Variants in PPP2R2B observed in about 807,000 individuals in gnomAD.
PPP2R2B encodes protein phosphatase 2 regulatory subunit Bbeta.
A neutral mutation model predicts 46.0 loss-of-function variants in PPP2R2B; 5 were observed. That is an observed-to-expected ratio of 0.11 (90% CI 0.06 to 0.23). The LOEUF (loss-of-function observed/expected upper bound fraction) is 0.23. Ranked by LOEUF, PPP2R2B falls within the 10% of genes least tolerant of loss-of-function variation. The probability of loss-of-function intolerance (pLI) is 1.00; values close to 1 mark genes in which losing one functional copy is unlikely to be tolerated. For missense variants in PPP2R2B, 367 were observed against 575.0 expected, an observed-to-expected ratio of 0.64 and a Z score of 3.70; for synonymous variants, 215 against 206.7, an observed-to-expected ratio of 1.04 and a Z score of -0.34.
intron 1 of PPP2R2B, among the ~76,000 whole-genome samples, chr5:147,026,636 A>C (rs949562661): frequency 2.6e-5 from 4 of 152,212 alleles, no homozygotes; most frequent in African/African-American, 9.6e-5. Context: ...GTCATTTTAA[A>C]TAGATAACTA....
intron 7 of PPP2R2B, among the ~76,000 whole-genome samples, chr5:146,632,995 C>A (rs374353105): frequency 6.6e-6 from 1 of 152,158 alleles, no homozygotes; most frequent in East Asian, 1.9e-4. Context: ...TTACACCTGG[C>A]CAGTTTCTTC....
rs189436615 is a variant in PPP2R2B, at chr5:146,768,132, G to A, written c.71-66990C>T. Among the ~76,000 whole-genome samples, 262 of 151,772 alleles carry A rather than the reference G, an allele frequency of 1.7e-3. 2 individuals are homozygous for A. The highest frequency in any genetic ancestry group is 1.6e-3 in the Non-Finnish European group (108 of 67,914). On this transcript the variant is annotated intron_variant, in intron 2 of 9. Transcript: ENST00000394411. Reference sequence around the variant, plus strand: ...TCCGTCACCCAGGTTGGAGTGCAGTGGCACACTCACAGCTCACTACAGTCT... The same window carrying A: ...TCCGTCACCCAGGTTGGAGTGCAGTAGCACACTCACAGCTCACTACAGTCT...
At chr5:146,773,496 T>C (rs1044095241) in intron 2 of PPP2R2B, among the ~76,000 whole-genome samples, 13 of 152,202 alleles carry the variant, frequency 8.5e-5, no homozygotes, top group African/African-American at 3.1e-4. Flanking sequence ...TAGTATTTGG[T>C]TGAAACAGAA....
intron 1 of PPP2R2B, among the ~76,000 whole-genome samples, chr5:147,011,746 T>C (rs935463132): frequency 2.7e-5 from 4 of 149,810 alleles, no homozygotes; most frequent in African/African-American, 7.4e-5. Context: ...TTTTGAAATA[T>C]GTCCCATCAA....
chr5:146,616,924 T>C (rs1050074272), intron 7 of PPP2R2B: 2 of 152,274 alleles, frequency 1.3e-5, no homozygotes, highest in African/African-American at 2.4e-5. Context: ...TGCGCTCCCG[T>C]GTTTGTTGCA....
chr5:146,767,996 G>T (rs1456071363), intron 2 of PPP2R2B, among the ~76,000 whole-genome samples: 2 of 151,926 alleles, frequency 1.3e-5, no homozygotes, highest in Non-Finnish European at 2.9e-5. Context: ...AGGTCCTCTG[G>T]GGAAAAATAT....
chr5:146,979,132 C>T (rs143619493), intron 1 of PPP2R2B, among the ~76,000 whole-genome samples: 17 of 152,232 alleles, frequency 1.1e-4, no homozygotes, highest in East Asian at 5.8e-4. Flanking sequence ...AGGACATATA[C>T]GCTTCTACCT....
chr5:146,969,910 G>A (rs760550003), intron 1 of PPP2R2B, among the ~76,000 whole-genome samples: 6 of 152,202 alleles, frequency 3.9e-5, no homozygotes, highest in Admixed American at 6.5e-5. Flanking sequence ...TATCCACGAA[G>A]CAGTTGAATT....
At chr5:146,677,272 T>C (rs574050690) in intron 5 of PPP2R2B, among the ~76,000 whole-genome samples, 5 of 152,288 alleles carry the variant, frequency 3.3e-5, no homozygotes, top group Admixed American at 3.3e-4. Context: ...TTTAATTGAA[T>C]GTTGCAGAAC....
intron 1 of PPP2R2B, among the ~76,000 whole-genome samples, chr5:146,976,095 AT>A (rs201071961): frequency 7.0e-5 from 10 of 142,816 alleles, no homozygotes; most frequent in African/African-American, 2.3e-4. Flanking sequence ...TAAAAGTTTC[AT>A]TTTTTAAAAA....
intron 2 of PPP2R2B, chr5:146,707,306 C>A: frequency 1.5e-6 from 2 of 1,317,574 alleles, no homozygotes; most frequent in Non-Finnish European, 2.2e-6. Flanking sequence ...ACGAAGGAGG[C>A]AAACTTGTTG....
intron 6 of PPP2R2B, among the ~76,000 whole-genome samples, chr5:146,646,891 G>A (rs891863624): frequency 4.6e-5 from 7 of 152,068 alleles, no homozygotes; most frequent in South Asian, 2.1e-4. Context: ...TAATCCTCTC[G>A]TGATAGAGCT....
chr5:146,625,104 A>G (rs778468512), intron 7 of PPP2R2B, among the ~76,000 whole-genome samples: 15 of 152,202 alleles, frequency 9.9e-5, no homozygotes, highest in Non-Finnish European at 2.1e-4. Flanking sequence ...GTAGCAGTTG[A>G]TTACCTTTAC....
intron 2 of PPP2R2B, among the ~76,000 whole-genome samples, chr5:146,784,681 T>C (rs1022273236): frequency 1.7e-4 from 26 of 152,330 alleles, no homozygotes; most frequent in African/African-American, 5.3e-4. Flanking sequence ...ATCAATACAA[T>C]TTCTTTTTGT....
In PPP2R2B at chr5:146,593,046, C is replaced by A. The variant is rs748318197; in HGVS notation, c.977G>T (p.Arg326Leu). The change falls in exon 9 of 10, where the codon CGC (arginine) becomes CTC (leucine). Residue 326 changes from arginine to leucine, a missense_variant. Physicochemically the swap from Arg to Leu is moderately radical, Grantham distance 102. Transcript: ENST00000394411. ...TTCATAGAGGGAACACAGCTTGCTG[C>A]GGAGGTAGTCATGAACCTGGAGAGG... ...IETYQVHDYLRSKLCSLYEND... is the reference protein window; with the variant it reads ...IETYQVHDYLLSKLCSLYEND... 1 of 1,613,340 alleles carries A rather than the reference C, an allele frequency of 6.2e-7. No homozygotes were observed. Among genetic ancestry groups the A allele is most frequent in the Admixed American group, 1.7e-5 (1 of 60,016 alleles).
At chr5:146,782,880 G>A (rs1439239501) in intron 2 of PPP2R2B, among the ~76,000 whole-genome samples, 2 of 152,036 alleles carry the variant, frequency 1.3e-5, no homozygotes, top group Non-Finnish European at 2.9e-5. Context: ...GGAAGGAAGG[G>A]AGGCAGAAAA....
At chr5:146,892,634 T>C (rs187332549) in intron 1 of PPP2R2B, among the ~76,000 whole-genome samples, 70 of 152,318 alleles carry the variant, frequency 4.6e-4, no homozygotes, top group Admixed American at 4.2e-3. Flanking sequence ...GGTTCCTCAC[T>C]GCCTAGTGTA....
At chr5:146,732,363 T>G (rs1465914361) in intron 2 of PPP2R2B, among the ~76,000 whole-genome samples, 1 of 152,216 alleles carries the variant, frequency 6.6e-6, no homozygotes, top group Non-Finnish European at 1.5e-5. Flanking sequence ...AGCCTCAGGC[T>G]TCCAGCTACC....
chr5:147,078,530 G>C (rs1403338727), intron 2 of PPP2R2B, among the ~76,000 whole-genome samples: 1 of 152,146 alleles, frequency 6.6e-6, no homozygotes, highest in Non-Finnish European at 1.5e-5. Flanking sequence ...GCTCACGCCT[G>C]TAATCCCAGC....
Sources: gnomAD v4.1 joint callset for allele counts (sites outside exome capture counted in the v4.1 genomes callset) on GRCh38, gnomAD v4.1.1 for gene constraint, MANE v1.5 for transcripts, NCBI Gene and HGNC (gene_info 2026-07-23, HGNC 2026-07-21) for gene names.